Variants in RNF213 observed in about 807,000 individuals in gnomAD.
RNF213 encodes E3 ubiquitin-protein ligase RNF213.
In RNF213, 341 loss-of-function variants were observed where a neutral mutation model predicts 514.4. That is an observed-to-expected ratio of 0.66 (90% CI 0.61 to 0.73). The LOEUF is 0.73. Ranked by LOEUF, RNF213 falls within the 30% of genes least tolerant of loss-of-function variation. The pLI is 0.00. For synonymous variants in RNF213, 2,655 were observed against 2,658.2 expected (o/e 1.00, Z 0.04); for missense variants, 5,767 against 6,615.6 (o/e 0.87, Z 4.45).
rs867202376 is a variant in RNF213, at chr17:80,388,616, T to C, written c.14927T>C (p.Ile4976Thr). ...CTTTTTTCTTTCCCAATTTAGGGAATACCCACTCTGGTGTACAGACACGAC... is the reference window on the plus strand; with the variant it reads ...CTTTTTTCTTTCCCAATTTAGGGAACACCCACTCTGGTGTACAGACACGAC... Reference protein sequence around the residue: ...QGKPRLSLKGIPTLVYRHDWN... With the variant: ...QGKPRLSLKGTPTLVYRHDWN... The change falls in exon 64 of 68, where the codon ATA becomes ACA. Residue 4976 changes from isoleucine (I) to threonine (T), a missense_variant. Transcript: ENST00000582970. 6.2e-7 allele frequency: 1 copy of C among 1,607,368 alleles called. No homozygotes were observed. The highest frequency in any genetic ancestry group is 1.7e-4 in the Middle Eastern group (1 of 5,728).
chr17:80,390,233 A>C (rs2080409743), intron 67 of RNF213, 37 bp downstream of exon 67: 2 of 1,597,402 alleles, frequency 1.3e-6, no homozygotes, highest in Non-Finnish European at 1.7e-6. Flanking sequence ...GGGCAGACAC[A>C]ATGTTGTGCT....
At chr17:80,389,552 C>T (rs1274065502) in intron 65 of RNF213, among the ~76,000 whole-genome samples, 185 bp downstream of exon 65, 3 of 152,190 alleles carry the variant, frequency 2.0e-5, no homozygotes, top group African/African-American at 4.8e-5. Flanking sequence ...TAGAGACAGA[C>T]ACGCGCTAGA....
At chr17:80,367,633 C>T in intron 42 of RNF213, 115 bp from the exon 43 acceptor site, 2 of 769,198 alleles carry the variant, frequency 2.6e-6, no homozygotes, top group Non-Finnish European at 4.6e-6. Flanking sequence ...TCGCACCCCA[C>T]ACCCCACACA....
At chr17:80,315,906 GGT>G (rs1365507525) in intron 15 of RNF213, 11 of 102,876 alleles carry the variant, frequency 1.1e-4, no homozygotes, top group South Asian at 3.0e-4. Flanking sequence ...AGGTGATGGT[GGT>G]GATGGAGGTG....
intron 25 of RNF213, among the ~76,000 whole-genome samples, chr17:80,338,686 A>G (rs1370465639): frequency 1.3e-5 from 2 of 151,594 alleles, no homozygotes; most frequent in East Asian, 3.9e-4. Context: ...AAAACAGTCC[A>G]GGCATCATGG....
At chr17:80,349,969 G>A (rs994797071) in intron 30 of RNF213, 63 bp downstream of exon 30, 42 of 1,594,842 alleles carry the variant, frequency 2.6e-5, no homozygotes, top group African/African-American at 5.4e-5. Flanking sequence ...TGGCTTCTGC[G>A]TGGCGATGGT....
chr17:80,298,965 C>T (rs760884546), intron 11 of RNF213, among the ~76,000 whole-genome samples: 2 of 152,020 alleles, frequency 1.3e-5, no homozygotes, highest in Admixed American at 6.6e-5. Context: ...GGCGACAGAG[C>T]GAGACTCTGT....
rs1491190126 is a variant in RNF213, at chr17:80,396,725, TTC to T, written c.*3228_*3229del. The T allele has an allele frequency of 5.9e-5, 4 of 67,648 alleles. 1 individual carries two copies. The highest frequency in any genetic ancestry group is 3.9e-4 in the East Asian group (1 of 2,588). The allele number at this position is 67,648 out of a possible 1,614,324, so 4.2% of individuals were successfully genotyped here. A position where few individuals can be genotyped will look rare whatever the true frequency, so the allele number is the denominator to read the frequency against. Reference sequence around the variant, plus strand: ...AAAAACAAGCGCCAGGAAAGTGCATTTCCCCCCCACCCCCCCCCCCCAACCAG... The same window carrying T: ...AAAAACAAGCGCCAGGAAAGTGCATTCCCCCCACCCCCCCCCCCCAACCAG... On this transcript the variant is annotated 3_prime_UTR_variant, in exon 68 of 68. Coordinates refer to ENST00000582970, the MANE Select transcript of RNF213 (RefSeq NM_001256071.3).
chr17:80,339,081 T>TCATTAAATAA, intron 25 of RNF213, 120 bp from the exon 26 acceptor site: 1 of 629,344 alleles, frequency 1.6e-6, no homozygotes, highest in Non-Finnish European at 2.4e-6. Flanking sequence ...TGAGCGCAGA[T>TCATTAAATAA]CATGCAGTGG....
At chr17:80,361,931 C>CA (rs1267468898) in intron 39 of RNF213, 43 bp downstream of exon 39, 1 of 1,591,668 alleles carries the variant, frequency 6.3e-7, no homozygotes, top group Admixed American at 1.7e-5. Context: ...GTAGAGCTTG[C>CA]ATGATGGGGA....
chr17:80,263,113 G>C lies in RNF213; in HGVS notation c.-108-461G>C, dbSNP rs2043482516. Among the ~76,000 whole-genome samples, 2 of 152,316 alleles carry C rather than the reference G, an allele frequency of 1.3e-5. No individual in the cohort carries two copies. Among genetic ancestry groups the C allele is most frequent in the Non-Finnish European group, 2.9e-5 (2 of 68,020 alleles). ...CTGGTTTGATGCCATCCACCGCAGA[G>C]GCTGTTCTGAGGGCAGGTGGTCAGT... On this transcript the variant is annotated intron_variant, in intron 1 of 67. Coordinates refer to ENST00000582970, the MANE Select transcript of RNF213 (RefSeq NM_001256071.3). The surrounding 1 kb of genome is among the most constrained non-coding windows in gnomAD (Gnocchi z 4.9).
At position 80,307,148 on chromosome 17, in the gene RNF213, C is replaced by T. The variant is rs772552882; in HGVS notation, c.2448C>T (p.Asn816=). 5.6e-6 allele frequency: 9 copies of T among 1,613,516 alleles called. No homozygotes were observed. The highest frequency in any genetic ancestry group is 2.2e-5 in the South Asian group (2 of 91,070). Residue 816 remains asparagine (N), a synonymous_variant, in exon 13 of 68, where the codon AAC becomes AAT. Transcript: ENST00000582970. ...LNTQDVQDVQ[N]VQNILEMLLR... ...CTTAGGATGTTCAGGATGTTCAGAA[C>T]GTTCAGAACATTTTAGAAATGCTGT...
rs150065746 is a variant in RNF213 at position 80,364,262 on chromosome 17, C to T, written c.11751-171C>T. Reference sequence around the variant, plus strand: ...CCCAGCTAAGCTGAGCGTCTGAGAGCGAGAGCTGGGGGCGGGCCAGGAAGT... The same window carrying T: ...CCCAGCTAAGCTGAGCGTCTGAGAGTGAGAGCTGGGGGCGGGCCAGGAAGT... On this transcript the variant is annotated intron_variant, in intron 41 of 67. Coordinates refer to ENST00000582970, the MANE Select transcript of RNF213 (RefSeq NM_001256071.3). Among the ~76,000 whole-genome samples, 24 of 152,254 alleles carry T rather than the reference C, an allele frequency of 1.6e-4. No individual in the cohort carries two copies. In the East Asian group the frequency reaches 4.6e-3, roughly 29 times the overall value.
At chr17:80,391,455 C>G (rs867004265) in intron 67 of RNF213, among the ~76,000 whole-genome samples, 1 of 151,970 alleles carries the variant, frequency 6.6e-6, no homozygotes, top group African/African-American at 2.4e-5. Context: ...TATTTTAGTA[C>G]AGAGACGGGG....
chr17:80,267,341 T>C (rs2043642752), intron 2 of RNF213, among the ~76,000 whole-genome samples: 1 of 151,274 alleles, frequency 6.6e-6, no homozygotes, highest in South Asian at 2.1e-4. Context: ...CTCGGGAGGC[T>C]GAGGCAGGAG....
chr17:80,393,660 T>A lies in RNF213; in HGVS notation c.*162T>A. The A allele has an allele frequency of 1.4e-6, 1 of 698,378 alleles. No homozygotes were observed. Among genetic ancestry groups the A allele is most frequent in the Non-Finnish European group, 2.4e-6 (1 of 419,122 alleles). The allele number at this position is 698,378 out of a possible 1,614,324, so 43.3% of individuals were successfully genotyped here. On this transcript the variant is annotated 3_prime_UTR_variant, in exon 68 of 68. Coordinates refer to ENST00000582970, the MANE Select transcript of RNF213 (RefSeq NM_001256071.3). ...AAGGCGTGCTACCTGAGCTGACAGCTTTTTGAAAGCCGAGCTGTTTCTGAA... is the reference window on the plus strand; with the variant it reads ...AAGGCGTGCTACCTGAGCTGACAGCATTTTGAAAGCCGAGCTGTTTCTGAA...
In RNF213 at chr17:80,339,675, T is replaced by G; in HGVS notation, c.5308T>G (p.Ser1770Ala). Residue 1770 changes from serine to alanine, a missense_variant, in exon 26 of 68, where the codon TCA becomes GCA. Around this residue, in one of 13 missense-constraint regions of RNF213, gnomAD observed 1,377 missense variants for 1,635.2 expected, o/e 0.84. Transcript: ENST00000582970. ...VMEELPLMLL[S>A]EFSLVDKLRI... ...GGAAGAGCTCCCGCTGATGCTCTTA[T>G]CAGAGTTCAGCCTGGTGGACAAGCT... is the stretch of plus-strand genomic sequence containing the variant. The G allele has an allele frequency of 2.0e-6, 3 of 1,537,180 alleles. No homozygotes were observed. The highest frequency in any genetic ancestry group is 2.6e-6 in the Non-Finnish European group (3 of 1,146,884).
rs2078522077 is a variant in RNF213, at chr17:80,351,665, T to C, written c.10185-20T>C. 1.0e-6 allele frequency: 1 copy of C among 990,930 alleles called. No individual in the cohort carries two copies. Among genetic ancestry groups the C allele is most frequent in the Non-Finnish European group, 1.5e-6 (1 of 679,512 alleles). The allele number at this position is 990,930 out of a possible 1,614,324, so 61.4% of individuals were successfully genotyped here. ...GTGTTTGTTTTTAAAATAGGTATTC[T>C]TTTTTTTTTCTTTAAATAGGTATTC... On this transcript the variant is annotated intron_variant, in intron 31 of 67. Transcript: ENST00000582970.
intron 67 of RNF213, among the ~76,000 whole-genome samples, chr17:80,390,678 G>T (rs1043881619): frequency 6.6e-6 from 1 of 151,414 alleles, no homozygotes; most frequent in Non-Finnish European, 1.5e-5. Context: ...ATGAAAAGGC[G>T]TGAGCCACTA....
Sources: allele counts gnomAD v4.1 joint callset (sites outside exome capture counted in the v4.1 genomes callset), GRCh38; gene constraint gnomAD v4.1.1; regional missense constraint gnomAD v4.1.1; non-coding constraint Gnocchi (gnomAD v3.1); transcripts MANE v1.5; gene names NCBI Gene and HGNC (gene_info 2026-07-23, HGNC 2026-07-21).